Variants in RHBDD1 observed in about 807,000 individuals in gnomAD.
The protein encoded by RHBDD1 is rhomboid-related protein 4.
In RHBDD1, 38 loss-of-function variants were observed where a neutral mutation model predicts 36.3. That is an observed-to-expected ratio of 1.05 (90% CI 0.81 to 1.37). The LOEUF (loss-of-function observed/expected upper bound fraction) is 1.37, where lower values mean the gene tolerates loss of function less well. Ranked by LOEUF, RHBDD1 falls within the 40% of genes most tolerant of loss-of-function variation. RHBDD1 has a pLI of 0.00. For missense variants in RHBDD1, 393 were observed against 377.6 expected (o/e 1.04, Z -0.34); for synonymous variants, 151 against 136.5 (o/e 1.11, Z -0.74).
upstream of RHBDD1, chr2:226,835,946 A>C (rs1362265606): frequency 1.3e-5 from 2 of 152,538 alleles, no homozygotes; most frequent in East Asian, 3.9e-4. Context: ...ACAACTAAGC[A>C]TGCGCCGCGG....
chr2:226,894,388 G>C (rs1946926967), intron 5 of RHBDD1, among the ~76,000 whole-genome samples: 1 of 152,096 alleles, frequency 6.6e-6, no homozygotes, highest in South Asian at 2.1e-4. Context: ...TCCTGCCTCA[G>C]CTTCCCAAGT....
At chr2:226,863,132 G>A (rs955051343) in intron 3 of RHBDD1, among the ~76,000 whole-genome samples, 9 of 152,308 alleles carry the variant, frequency 5.9e-5, no homozygotes, top group African/African-American at 2.2e-4. Context: ...CGGATCACCT[G>A]AGGTCAGGAG....
At chr2:226,813,673 T>C in the RHBDD1 span, among the ~76,000 whole-genome samples, 1 of 152,218 alleles carries the variant, frequency 6.6e-6, no homozygotes, top group Admixed American at 6.5e-5. Context: ...AAGATAGGAA[T>C]AGTAATAGTA....
chr2:226,917,934 A>C (rs543456747), intron 8 of RHBDD1, among the ~76,000 whole-genome samples: 1 of 152,090 alleles, frequency 6.6e-6, no homozygotes, highest in Non-Finnish European at 1.5e-5. Context: ...TGAATATAGG[A>C]CTTTCTAAAC....
At chr2:226,826,145 G>A in the RHBDD1 span, among the ~76,000 whole-genome samples, 1 of 152,240 alleles carries the variant, frequency 6.6e-6, no homozygotes, top group South Asian at 2.1e-4. Flanking sequence ...ACATGTAGAC[G>A]ATGCATGAGT....
intron 3 of RHBDD1, among the ~76,000 whole-genome samples, chr2:226,844,895 C>T (rs563498089): frequency 1.6e-4 from 25 of 152,272 alleles, no homozygotes; most frequent in African/African-American, 6.0e-4. Context: ...AGATTATATA[C>T]AAAATCTGGT....
At chr2:226,942,905 C>G (rs1240340497) in intron 8 of RHBDD1, among the ~76,000 whole-genome samples, 2 of 152,140 alleles carry the variant, frequency 1.3e-5, no homozygotes, top group African/African-American at 2.4e-5. Context: ...TGAGCTATTT[C>G]CCATTACTCC....
chr2:226,830,748 G>T (rs578081548), upstream of RHBDD1, among the ~76,000 whole-genome samples: 132 of 152,208 alleles, frequency 8.7e-4, no homozygotes, highest in African/African-American at 3.1e-3. Context: ...ATCACAGCTC[G>T]CTATTCCTTG....
At chr2:226,961,318 C>G (rs537933994) in intron 8 of RHBDD1, among the ~76,000 whole-genome samples, 25 of 152,286 alleles carry the variant, frequency 1.6e-4, no homozygotes, top group African/African-American at 5.1e-4. Context: ...GGCACTGGCA[C>G]CAGGAAAGCA....
intron 8 of RHBDD1, among the ~76,000 whole-genome samples, chr2:226,922,450 G>T (rs1011587517): frequency 6.6e-6 from 1 of 151,714 alleles, no homozygotes; most frequent in African/African-American, 2.4e-5. Flanking sequence ...CTTGTGATCC[G>T]CCCACCTCGG....
intron 5 of RHBDD1, among the ~76,000 whole-genome samples, chr2:226,882,905 CAT>C (rs1945889526): frequency 1.3e-5 from 2 of 152,170 alleles, no homozygotes; most frequent in African/African-American, 2.4e-5. Context: ...ACTGTGTCCT[CAT>C]GTGGCAAGGA....
intron 5 of RHBDD1, among the ~76,000 whole-genome samples, chr2:226,904,423 A>C (rs113195824): frequency 6.5e-5 from 7 of 107,418 alleles, no homozygotes; most frequent in East Asian, 2.9e-4. Context: ...GCGGGGGGGG[A>C]GGGGGGTCAG....
At chr2:226,981,226 G>T (rs1276257185) in intron 8 of RHBDD1, among the ~76,000 whole-genome samples, 1 of 152,164 alleles carries the variant, frequency 6.6e-6, no homozygotes, top group Non-Finnish European at 1.5e-5. Context: ...ATGGGGTGAG[G>T]GATGGGGGAG....
chr2:226,978,197 C>T (rs746764753), intron 8 of RHBDD1, among the ~76,000 whole-genome samples: 1 of 152,212 alleles, frequency 6.6e-6, no homozygotes, highest in Non-Finnish European at 1.5e-5. Flanking sequence ...TTGGACTAAA[C>T]AGCAACACAT....
the RHBDD1 span, among the ~76,000 whole-genome samples, chr2:226,820,662 A>G: frequency 3.0e-4 from 45 of 150,800 alleles, no homozygotes; most frequent in South Asian, 1.3e-3. Context: ...AAAAAAAAAA[A>G]AAAAAAAGAA....
chr2:226,971,129 C>T (rs1271825709), intron 8 of RHBDD1, among the ~76,000 whole-genome samples: 4 of 152,178 alleles, frequency 2.6e-5, no homozygotes, highest in African/African-American at 9.6e-5. Context: ...GGAACATTTT[C>T]ATGGGCCTTT....
chr2:226,930,149 T>TA (rs1450484134), intron 8 of RHBDD1, among the ~76,000 whole-genome samples: 2 of 151,696 alleles, frequency 1.3e-5, no homozygotes, highest in Non-Finnish European at 3.0e-5. Flanking sequence ...CACAGAAATG[T>TA]AAAAAATAAC....
intron 8 of RHBDD1, among the ~76,000 whole-genome samples, chr2:226,990,056 G>A (rs1025249941): frequency 1.3e-5 from 2 of 152,194 alleles, no homozygotes; most frequent in Non-Finnish European, 2.9e-5. Context: ...CCATTTGTAT[G>A]AAAGTTATAC....
At chr2:226,881,579 C>T (rs573648768) in intron 5 of RHBDD1, among the ~76,000 whole-genome samples, 1 of 152,188 alleles carries the variant, frequency 6.6e-6, no homozygotes, top group South Asian at 2.1e-4. Context: ...CTCCCAGGTC[C>T]GAGTATGTCA....
Sources: allele counts gnomAD v4.1 joint callset (sites outside exome capture counted in the v4.1 genomes callset), GRCh38; gene constraint gnomAD v4.1.1; transcripts MANE v1.5; gene names NCBI Gene and HGNC (gene_info 2026-07-23, HGNC 2026-07-21).